GOLGA7: variants seen among roughly 807,000 people sequenced by gnomAD.
The protein encoded by GOLGA7 is golgin A7.
In GOLGA7, 10 loss-of-function variants were observed where a neutral mutation model predicts 21.1. The observed-to-expected ratio is 0.47, with a 90% CI of 0.29 to 0.80. The LOEUF is 0.80. Ranked by LOEUF, GOLGA7 falls within the 30% of genes least tolerant of loss-of-function variation. GOLGA7 has a pLI of 0.08. For synonymous variants in GOLGA7, 64 were observed against 62.6 expected, an observed-to-expected ratio of 1.02 and a Z score of -0.10; for missense variants, 114 against 166.8, an observed-to-expected ratio of 0.68 and a Z score of 1.74.
chr8:41,491,019 G>A, intron 1 of GOLGA7, 54 bp downstream of exon 1: 1 of 1,029,722 alleles, frequency 9.7e-7, no homozygotes, highest in Non-Finnish European at 1.5e-6. Flanking sequence ...GACTCACCGG[G>A]GACGGGAAGG....
intron 2 of GOLGA7, among the ~76,000 whole-genome samples, chr8:41,504,127 A>C (rs1013513396): frequency 6.0e-5 from 7 of 115,950 alleles, no homozygotes; most frequent in African/African-American, 2.6e-4. Context: ...TAATAAAAAA[A>C]AAAAAAAAAC....
chr8:41,506,969 A>C (rs1806300896), intron 3 of GOLGA7, 90 bp from the exon 4 acceptor site: 6 of 744,406 alleles, frequency 8.1e-6, no homozygotes, highest in Non-Finnish European at 1.5e-5. Flanking sequence ...AACTGAAAGC[A>C]AAGTCTGCAG....
chr8:41,504,423 G>A (rs1228774239), intron 2 of GOLGA7, among the ~76,000 whole-genome samples: 1 of 152,090 alleles, frequency 6.6e-6, no homozygotes, highest in Non-Finnish European at 1.5e-5. Flanking sequence ...ACCTTTATGG[G>A]CTACTTCCTT....
In GOLGA7 at chr8:41,510,043, T is replaced by G. The variant is rs1806383312; in HGVS notation, c.*475T>G. ...TTTTTCTCCAGGATTTTGGTGAGGG[T>G]TGGCTGTGGCTGTCGTTTTGCACCT... On this transcript the variant is annotated 3_prime_UTR_variant, in exon 5 of 5. Coordinates refer to ENST00000357743, the MANE Select transcript of GOLGA7 (RefSeq NM_001002296.2). 6.6e-6 allele frequency: 1 copy of G among 152,574 alleles called. No homozygotes were observed. The highest frequency in any genetic ancestry group is 2.4e-5 in the African/African-American group (1 of 41,430). The allele number at this position is 152,574 out of a possible 1,614,324, so 9.5% of individuals were successfully genotyped here. A position where few individuals can be genotyped will look rare whatever the true frequency, so the allele number is the denominator to read the frequency against.
chr8:41,502,364 A>G (rs1476937843), intron 2 of GOLGA7, among the ~76,000 whole-genome samples: 1 of 152,240 alleles, frequency 6.6e-6, no homozygotes, highest in East Asian at 1.9e-4. Flanking sequence ...AGCCAAATAT[A>G]ACAGTGCTTA....
At chr8:41,498,052 A>G (rs1053002255) in intron 2 of GOLGA7, among the ~76,000 whole-genome samples, 2 of 152,186 alleles carry the variant, frequency 1.3e-5, no homozygotes, top group African/African-American at 4.8e-5. Flanking sequence ...TCAACTTAAG[A>G]TGACCAGAAG....
At chr8:41,491,465 G>A (rs947199155) in intron 1 of GOLGA7, among the ~76,000 whole-genome samples, 1 of 152,186 alleles carries the variant, frequency 6.6e-6, no homozygotes, top group Non-Finnish European at 1.5e-5. Context: ...GTGCGTTCAG[G>A]CTTTCTTGGA....
chr8:41,496,804 CTTTT>C (rs34657481), intron 1 of GOLGA7, among the ~76,000 whole-genome samples: 3 of 91,654 alleles, frequency 3.3e-5, no homozygotes, highest in Non-Finnish European at 5.8e-5. Context: ...CAGTTTATTG[CTTTT>C]TTTTTTTTTT....
chr8:41,499,302 GCT>G (rs1229515464), intron 2 of GOLGA7, among the ~76,000 whole-genome samples: 3 of 152,182 alleles, frequency 2.0e-5, no homozygotes, highest in African/African-American at 7.2e-5. Flanking sequence ...GTTACAGGGT[GCT>G]CTTTTAGTTT....
In GOLGA7 at chr8:41,490,824, A is replaced by T; in HGVS notation, c.-31A>T. On this transcript the variant is annotated 5_prime_UTR_variant, in exon 1 of 5. Transcript: ENST00000357743. ...CTGACTCGCGGTTGGTGTTCCCCCG[A>T]CCCCGCAGCGCGGGGTGTCCTGTCC... is the stretch of plus-strand genomic sequence containing the variant. 7.5e-7 allele frequency: 1 copy of T among 1,332,184 alleles called. No individual in the cohort carries two copies. Among genetic ancestry groups the T allele is most frequent in the Non-Finnish European group, 1.1e-6 (1 of 947,192 alleles). The allele number at this position is 1,332,184 out of a possible 1,614,324, so 82.5% of individuals were successfully genotyped here. A position where few individuals can be genotyped will look rare whatever the true frequency, so the allele number is the denominator to read the frequency against.
chr8:41,495,202 CAAA>C (rs1200554916), intron 1 of GOLGA7, among the ~76,000 whole-genome samples: 1,350 of 39,406 alleles, frequency 0.034, 4 homozygotes, highest in African/African-American at 0.12. Context: ...GACTCTGTCT[CAAA>C]AAAAAAAAAA....
At chr8:41,496,211 G>C (rs557778696) in intron 1 of GOLGA7, among the ~76,000 whole-genome samples, 2 of 152,204 alleles carry the variant, frequency 1.3e-5, no homozygotes, top group East Asian at 1.9e-4. Context: ...ACGCTTGCAT[G>C]GGAGAATCTG....
At chr8:41,493,100 T>C (rs544710045) in intron 1 of GOLGA7, among the ~76,000 whole-genome samples, 25 of 152,290 alleles carry the variant, frequency 1.6e-4, no homozygotes, top group African/African-American at 5.8e-4. Flanking sequence ...AATTGTGCCT[T>C]TGAATTTCTT....
chr8:41,497,478 A>T, intron 1 of GOLGA7, 31 bp from the exon 2 acceptor site: 1 of 1,284,298 alleles, frequency 7.8e-7, no homozygotes, highest in South Asian at 1.5e-5. Flanking sequence ...TTTTTCCAAA[A>T]CTTAATTTTT....
chr8:41,505,958 C>A lies in GOLGA7; in HGVS notation c.312C>A (p.Ile104=). The change falls in exon 3 of 5, where the codon ATC becomes ATA. Residue 104 remains isoleucine, a synonymous_variant. Transcript: ENST00000357743. ...SKYIQEQNEK[I]YAPQGLLLTD... ...ACATTCAAGAGCAGAATGAGAAGAT[C>A]TATGCTCCACAAGGCCTCCTCCTGA... is the stretch of plus-strand genomic sequence containing the variant. 1.2e-6 allele frequency: 2 copies of A among 1,605,282 alleles called. No individual in the cohort carries two copies. Among genetic ancestry groups the A allele is most frequent in the Admixed American group, 1.7e-5 (1 of 59,476 alleles).
In GOLGA7 at chr8:41,490,878, G is replaced by A. The variant is rs1051862434; in HGVS notation, c.24G>A (p.Val8=). ...CCATGAGGCCGCAGCAGGCGCCGGT[G>A]TCCGGAAAGGTGTTCATTCAGCGAG... MRPQQAP[V]SGKVFIQRDY... Residue 8 remains valine, a synonymous_variant, in exon 1 of 5, where the codon GTG becomes GTA. Coordinates refer to ENST00000357743, the MANE Select transcript of GOLGA7 (RefSeq NM_001002296.2). The A allele has an allele frequency of 8.8e-6, 14 of 1,599,910 alleles. No homozygotes were observed. Among genetic ancestry groups the A allele is most frequent in the Middle Eastern group, 3.5e-4 (2 of 5,730 alleles).
intron 1 of GOLGA7, among the ~76,000 whole-genome samples, chr8:41,491,413 C>T (rs1805880305): frequency 6.6e-6 from 1 of 152,126 alleles, no homozygotes; most frequent in Admixed American, 6.6e-5. Flanking sequence ...GTGCTGGCCG[C>T]ACTGTTTGGC....
At chr8:41,506,941 T>C in intron 3 of GOLGA7, 118 bp from the exon 4 acceptor site, 2 of 704,678 alleles carry the variant, frequency 2.8e-6, no homozygotes, top group Admixed American at 2.6e-5. Flanking sequence ...AAATGTTTAA[T>C]AATTGAAAAA....
chr8:41,510,166 T>A lies in GOLGA7; in HGVS notation c.*598T>A, dbSNP rs1305720528. ...AAACTGAAGCTTATTGAAAAAAAAA[T>A]GTATAATGTTATTTGTTTTATTATA... On this transcript the variant is annotated 3_prime_UTR_variant, in exon 5 of 5. Coordinates refer to ENST00000357743, the MANE Select transcript of GOLGA7 (RefSeq NM_001002296.2). 2 of 152,582 alleles carry A rather than the reference T, an allele frequency of 1.3e-5. No homozygotes were observed. Among genetic ancestry groups the A allele is most frequent in the Admixed American group, 6.5e-5 (1 of 15,274 alleles). 9.5% of individuals were successfully genotyped at this position (152,582 alleles called of 1,614,324 possible).
Sources: allele counts gnomAD v4.1 joint callset (sites outside exome capture counted in the v4.1 genomes callset), GRCh38; gene constraint gnomAD v4.1.1; transcripts MANE v1.5; gene names NCBI Gene and HGNC (gene_info 2026-07-23, HGNC 2026-07-21).